The following FBN2 variants were observed in gnomAD, a reference collection of about 807,000 sequenced individuals.
FBN2 encodes fibrillin 2, also known as fibrillin-2.
Under a neutral mutation model 355.6 loss-of-function variants are expected in FBN2, and 105 were observed. The ratio of observed to expected loss-of-function variants is 0.30; its 90% CI spans 0.25 to 0.35. The LOEUF (loss-of-function observed/expected upper bound fraction) is 0.35. Among genes scored for constraint, FBN2 ranks in the 10% least tolerant of loss-of-function variants. The pLI is 1.00. For synonymous variants in FBN2, 1,350 were observed against 1,301.2 expected (o/e 1.04, Z -0.81); for missense variants, 3,280 against 3,758.7 (o/e 0.87, Z 3.33).
intron 5 of FBN2, among the ~76,000 whole-genome samples, chr5:128,507,439 C>T (rs1426414120): frequency 1.3e-5 from 2 of 152,082 alleles, no homozygotes; most frequent in South Asian, 2.1e-4. Flanking sequence ...ACCAATAGTA[C>T]ATAATACAAG....
At chr5:128,536,275 A>G in intron 2 of FBN2, 127 bp downstream of exon 2, 1 of 760,854 alleles carries the variant, frequency 1.3e-6, no homozygotes, top group South Asian at 1.5e-5. Flanking sequence ...CCGCGTCCCG[A>G]TTATCAGTGC....
At chr5:128,516,891 T>C (rs1201110147) in intron 5 of FBN2, among the ~76,000 whole-genome samples, 5 of 152,126 alleles carry the variant, frequency 3.3e-5, no homozygotes, top group African/African-American at 1.2e-4. Context: ...ATTTAAAACA[T>C]CTCTTTAAAA....
intron 8 of FBN2, among the ~76,000 whole-genome samples, chr5:128,405,098 G>A (rs1752891590): frequency 1.3e-5 from 2 of 152,170 alleles, no homozygotes; most frequent in South Asian, 4.1e-4. Context: ...TTGAACCAAG[G>A]AGGCAGAGGT....
At chr5:128,389,276 G>C (rs531291213) in intron 11 of FBN2, among the ~76,000 whole-genome samples, 1 of 152,326 alleles carries the variant, frequency 6.6e-6, no homozygotes, top group African/African-American at 2.4e-5. Context: ...AAGGCTGTGG[G>C]CAAGTGCATG....
intron 6 of FBN2, among the ~76,000 whole-genome samples, chr5:128,455,990 C>CACAA (rs1754375950): frequency 4.0e-5 from 1 of 25,272 alleles, no homozygotes; most frequent in Non-Finnish European, 7.9e-5. Flanking sequence ...GGGTTAGCAA[C>CACAA]AAAAAAAAAA....
At chr5:128,291,425 A>G (rs1749318862) in intron 49 of FBN2, 104 bp downstream of exon 49, 1 of 1,302,690 alleles carries the variant, frequency 7.7e-7, no homozygotes, top group Non-Finnish European at 1.1e-6. Flanking sequence ...GTATTTTAGC[A>G]TAGACATGTA....
chr5:128,530,045 C>T (rs1756662067), intron 3 of FBN2, among the ~76,000 whole-genome samples: 1 of 152,118 alleles, frequency 6.6e-6, no homozygotes, highest in Non-Finnish European at 1.5e-5. Flanking sequence ...ATTAAATAAA[C>T]AATCTTGCTT....
intron 29 of FBN2, 57 bp downstream of exon 29, chr5:128,335,398 T>A (rs375214690): frequency 2.9e-5 from 47 of 1,612,476 alleles, no homozygotes; most frequent in Non-Finnish European, 3.8e-5. Flanking sequence ...TCTGGAGCCA[T>A]ATTTTCAAGA....
intron 62 of FBN2, among the ~76,000 whole-genome samples, chr5:128,266,442 G>C (rs997193911): frequency 6.6e-6 from 1 of 152,148 alleles, no homozygotes; most frequent in Non-Finnish European, 1.5e-5. Flanking sequence ...GGACTCCATT[G>C]CGAGCTCCTT....
chr5:128,307,189 T>C lies in FBN2; in HGVS notation c.5368A>G (p.Ile1790Val), dbSNP rs1749907274. ...GTGAATCCAGGAATATTTCCACATATGGTTTTAAAGTCAGCTTTAAAATAT... is the reference window on the plus strand; with the variant it reads ...GTGAATCCAGGAATATTTCCACATACGGTTTTAAAGTCAGCTTTAAAATAT... ...PTPGTADFKT[I>V]CGNIPGFTFD... is the part of the protein sequence containing the mutation. The change falls in exon 42 of 65, where the codon ATA becomes GTA. Residue 1790 changes from isoleucine (I) to valine (V), a missense_variant. Ile to Val is a conservative substitution (Grantham distance 29). Coordinates refer to ENST00000262464, the MANE Select transcript of FBN2 (RefSeq NM_001999.4). 1.2e-6 allele frequency: 2 copies of C among 1,607,758 alleles called. No individual in the cohort carries two copies. The highest frequency in any genetic ancestry group is 1.7e-6 in the Non-Finnish European group (2 of 1,174,502).
intron 4 of FBN2, among the ~76,000 whole-genome samples, chr5:128,526,948 A>G (rs1308679329): frequency 2.0e-5 from 3 of 152,200 alleles, no homozygotes; most frequent in Admixed American, 6.5e-5. Flanking sequence ...AAATAATGTT[A>G]ACTGAAAACA....
intron 20 of FBN2, among the ~76,000 whole-genome samples, chr5:128,353,741 C>A (rs1751428668): frequency 6.6e-6 from 1 of 152,290 alleles, no homozygotes; most frequent in Non-Finnish European, 1.5e-5. Flanking sequence ...GAATTATGTA[C>A]AATTTGCAGA....
At chr5:128,316,363 A>C (rs556522610) in intron 36 of FBN2, among the ~76,000 whole-genome samples, 1 of 152,334 alleles carries the variant, frequency 6.6e-6, no homozygotes, top group South Asian at 2.1e-4. Flanking sequence ...CAAAGGAAAA[A>C]CAAGATCTCT....
chr5:128,394,580 C>T (rs956404526), intron 9 of FBN2, among the ~76,000 whole-genome samples: 1 of 152,100 alleles, frequency 6.6e-6, no homozygotes, highest in Non-Finnish European at 1.5e-5. Context: ...AATTGAAATA[C>T]TAACATTCAA....
At chr5:128,280,099 G>T in intron 56 of FBN2, 93 bp downstream of exon 56, 1 of 1,022,900 alleles carries the variant, frequency 9.8e-7, no homozygotes, top group Non-Finnish European at 1.5e-6. Context: ...GATTTGTTTA[G>T]CAGACAAGAA....
intron 5 of FBN2, among the ~76,000 whole-genome samples, chr5:128,507,761 G>A (rs745752036): frequency 1.7e-4 from 26 of 152,038 alleles, no homozygotes; most frequent in Non-Finnish European, 3.7e-4. Context: ...CTGCTGCTGT[G>A]TGGCAAAGTG....
intron 4 of FBN2, among the ~76,000 whole-genome samples, chr5:128,521,247 T>A (rs1748261422): frequency 6.6e-6 from 1 of 152,148 alleles, no homozygotes; most frequent in South Asian, 2.1e-4. Flanking sequence ...GCCATTATCC[T>A]CAGCAAACTA....
chr5:128,526,486 T>C (rs1265476463), intron 4 of FBN2, among the ~76,000 whole-genome samples: 2 of 152,108 alleles, frequency 1.3e-5, no homozygotes, highest in Non-Finnish European at 2.9e-5. Flanking sequence ...AACTCAAATG[T>C]CCATCAACAG....
chr5:128,405,964 G>A (rs889143456), intron 8 of FBN2, among the ~76,000 whole-genome samples: 1 of 152,116 alleles, frequency 6.6e-6, no homozygotes, highest in African/African-American at 2.4e-5. Context: ...GACTCCCACG[G>A]CGACGTTTCT....
Sources: gnomAD v4.1 joint callset for allele counts (sites outside exome capture counted in the v4.1 genomes callset) on GRCh38, gnomAD v4.1.1 for gene constraint, MANE v1.5 for transcripts, NCBI Gene and HGNC (gene_info 2026-07-23, HGNC 2026-07-21) for gene names.